Variants in MEGF10 observed in about 807,000 individuals in gnomAD.
MEGF10 encodes the protein multiple epidermal growth factor-like domains protein 10.
MEGF10 carries 86 observed loss-of-function variants against 147.5 expected under a neutral mutation model. That is an observed-to-expected ratio of 0.58 (90% CI 0.49 to 0.70). The LOEUF is 0.70. Ranked by LOEUF, MEGF10 falls within the 30% of genes least tolerant of loss-of-function variation. The pLI is 0.00. For synonymous variants in MEGF10, 478 were observed against 525.5 expected, an observed-to-expected ratio of 0.91 and a Z score of 1.24; for missense variants, 1,329 against 1,487.3, an observed-to-expected ratio of 0.89 and a Z score of 1.75.
chr5:127,327,792 G>T (rs1427510553), intron 1 of MEGF10, among the ~76,000 whole-genome samples: 2 of 146,380 alleles, frequency 1.4e-5, no homozygotes, highest in African/African-American at 2.5e-5. Context: ...TTGGCTCATT[G>T]CAGCCTCCGC....
chr5:127,326,059 G>A (rs1044549063), intron 1 of MEGF10, among the ~76,000 whole-genome samples: 4 of 151,256 alleles, frequency 2.6e-5, no homozygotes, highest in Admixed American at 2.6e-4. Flanking sequence ...GGGACTACAG[G>A]TGCATGCCAC....
the MEGF10 span, among the ~76,000 whole-genome samples, chr5:127,244,827 T>C: frequency 2.0e-5 from 3 of 152,132 alleles, no homozygotes; most frequent in African/African-American, 4.8e-5. Flanking sequence ...GACTCACGTA[T>C]ACTTTTAAAA....
the MEGF10 span, among the ~76,000 whole-genome samples, chr5:127,274,724 A>T: frequency 6.6e-6 from 1 of 152,160 alleles, no homozygotes; most frequent in African/African-American, 2.4e-5. Context: ...AAGTATTCTT[A>T]TGGGTCATTT....
chr5:127,448,817 A>G (rs1186241554), intron 21 of MEGF10, among the ~76,000 whole-genome samples: 2 of 150,788 alleles, frequency 1.3e-5, no homozygotes, highest in African/African-American at 2.4e-5. Flanking sequence ...TCCAAATCAA[A>G]GTTACATGTG....
At chr5:127,233,268 A>G in the MEGF10 span, among the ~76,000 whole-genome samples, 2 of 152,196 alleles carry the variant, frequency 1.3e-5, no homozygotes, top group African/African-American at 4.8e-5. Flanking sequence ...TTCTGCTAGA[A>G]GTAGGACACA....
intron 1 of MEGF10, among the ~76,000 whole-genome samples, chr5:127,302,569 A>C (rs527790489): frequency 6.6e-6 from 1 of 152,346 alleles, no homozygotes; most frequent in Admixed American, 6.5e-5. Context: ...GTTGCACAAC[A>C]GGGTTAAAAT....
chr5:127,341,945 A>C (rs1407751650), intron 4 of MEGF10, among the ~76,000 whole-genome samples: 1 of 152,198 alleles, frequency 6.6e-6, no homozygotes, highest in Non-Finnish European at 1.5e-5. Flanking sequence ...ATAAATTCCT[A>C]GCAGTAGAAT....
At chr5:127,434,882 C>T (rs1299528415) in intron 15 of MEGF10, 61 bp downstream of exon 15, 20 of 1,555,618 alleles carry the variant, frequency 1.3e-5, no homozygotes, top group Middle Eastern at 1.8e-4. Flanking sequence ...AGAGTCTGTC[C>T]TCAGGCCTCC....
the MEGF10 span, among the ~76,000 whole-genome samples, chr5:127,276,642 TG>T: frequency 6.6e-6 from 1 of 152,210 alleles, no homozygotes; most frequent in Non-Finnish European, 1.5e-5. Context: ...ATAAAACTTT[TG>T]TTTAAAATAT....
In MEGF10 at chr5:127,410,516, C is replaced by A; in HGVS notation, c.1045C>A (p.Arg349Ser). Residue 349 changes from arginine to serine, a missense_variant, in exon 9 of 25, where the codon CGC becomes AGC. Transcript: ENST00000503335. Reference sequence around the variant, plus strand: ...CTGTGAAGCAGGCTTTGCTGGCGAGCGCTGCGAAGCACGCCTGTGTCCTGA... The same window carrying A: ...CTGTGAAGCAGGCTTTGCTGGCGAGAGCTGCGAAGCACGCCTGTGTCCTGA... The part of the protein sequence containing the change: ...CLCEAGFAGE[R>S]CEARLCPEGL... 2 of 1,613,860 alleles carry A rather than the reference C, an allele frequency of 1.2e-6. No individual in the cohort carries two copies. Among genetic ancestry groups the A allele is most frequent in the South Asian group, 1.1e-5 (1 of 91,084 alleles).
Position 127,331,350 on chromosome 5 carries a change from A to G in MEGF10, c.42A>G (p.Leu14=), listed in dbSNP as rs918917288. 4 of 1,613,092 alleles carry G rather than the reference A, an allele frequency of 2.5e-6. No individual in the cohort carries two copies. Among genetic ancestry groups the G allele is most frequent in the Admixed American group, 1.7e-5 (1 of 59,940 alleles). ...ACTCATGCCTGAGCTTTATTTGTTT[A>G]TTGTTATGCCACTGGATTGGGACAG... is the stretch of plus-strand genomic sequence containing the variant. ...SLNSCLSFIC[L]LLCHWIGTAS... is the part of the protein sequence containing the mutation. The change falls in exon 2 of 25, where the codon TTA becomes TTG. Residue 14 remains leucine, a synonymous_variant. Transcript: ENST00000503335.
chr5:127,265,266 T>G, the MEGF10 span, among the ~76,000 whole-genome samples: 2 of 152,230 alleles, frequency 1.3e-5, no homozygotes, highest in Non-Finnish European at 2.9e-5. Context: ...TTTTTCTGGC[T>G]GCATAGTATT....
chr5:127,235,252 A>AC, the MEGF10 span, among the ~76,000 whole-genome samples: 77,242 of 151,940 alleles, frequency 0.51, 19,942 homozygotes, highest in Middle Eastern at 0.61. Flanking sequence ...CTTAAATTCA[A>AC]ATACCCAAGG....
At chr5:127,252,345 A>G in the MEGF10 span, among the ~76,000 whole-genome samples, 5 of 151,884 alleles carry the variant, frequency 3.3e-5, no homozygotes, top group African/African-American at 1.2e-4. Flanking sequence ...TTTGTTCATG[A>G]TAGTGAAAAG....
At chr5:127,293,877 T>C (rs1244204721) in intron 1 of MEGF10, among the ~76,000 whole-genome samples, 5 of 152,206 alleles carry the variant, frequency 3.3e-5, no homozygotes, top group African/African-American at 1.2e-4. Flanking sequence ...GCATAAAGTC[T>C]CACCTCCTTA....
At chr5:127,384,135 A>G (rs139811985) in intron 5 of MEGF10, among the ~76,000 whole-genome samples, 48 of 152,204 alleles carry the variant, frequency 3.2e-4, no homozygotes, top group South Asian at 1.2e-3. Context: ...GTTCCCAGCA[A>G]TGTGTGCAAT....
At chr5:127,373,151 C>CT (rs760945233) in intron 5 of MEGF10, among the ~76,000 whole-genome samples, 11 of 151,954 alleles carry the variant, frequency 7.2e-5, no homozygotes, top group South Asian at 2.1e-4. Flanking sequence ...GCCATTGTGT[C>CT]TTTTTTTTGT....
chr5:127,266,950 A>T, the MEGF10 span, among the ~76,000 whole-genome samples: 1 of 152,194 alleles, frequency 6.6e-6, no homozygotes, highest in Non-Finnish European at 1.5e-5. Context: ...CAGAACTTCC[A>T]ACACTATGTT....
chr5:127,247,632 G>C, the MEGF10 span, among the ~76,000 whole-genome samples: 50 of 152,160 alleles, frequency 3.3e-4, no homozygotes, highest in African/African-American at 1.2e-3. Flanking sequence ...TATGTAAAGT[G>C]ACCATTTTAG....
Sources: allele counts gnomAD v4.1 joint callset (sites outside exome capture counted in the v4.1 genomes callset), GRCh38; gene constraint gnomAD v4.1.1; transcripts MANE v1.5; gene names NCBI Gene and HGNC (gene_info 2026-07-23, HGNC 2026-07-21).